The following RCAN2 variants were observed in gnomAD, a reference collection of about 807,000 sequenced individuals.
RCAN2 encodes regulator of calcineurin 2.
Under a neutral mutation model 23.6 loss-of-function variants are expected in RCAN2, and 9 were observed. That is an observed-to-expected ratio of 0.38 (90% confidence interval 0.23 to 0.67). RCAN2 has a LOEUF of 0.67. RCAN2 is among the 30% of genes least tolerant of loss of function. The probability of loss-of-function intolerance (pLI) is 0.51; values close to 1 mark genes in which losing one functional copy is unlikely to be tolerated. For synonymous variants in RCAN2, 109 were observed against 115.7 expected (o/e 0.94, Z 0.37); for missense variants, 273 against 302.3 (o/e 0.90, Z 0.72).
At position 46,377,285 on chromosome 6, in the gene RCAN2, A is replaced by G. The variant is rs537679405; in HGVS notation, c.225+79467T>C. ...CTTCAAGCCCTGGTTCAAGAAAGTA[A>G]TTCAGACCTTAGAGACCTCCTCCAA... On this transcript the variant is annotated intron_variant, in intron 2 of 4. Coordinates refer to ENST00000371374, the MANE Select transcript of RCAN2 (RefSeq NM_001251974.2). Among the ~76,000 whole-genome samples, 6 of 152,276 alleles carry G rather than the reference A, an allele frequency of 3.9e-5. No individual in the cohort carries two copies. The South Asian group carries it at 1.2e-3, about 32-fold the overall frequency.
intron 2 of RCAN2, among the ~76,000 whole-genome samples, chr6:46,389,509 C>T (rs935620221): frequency 6.6e-6 from 1 of 152,162 alleles, no homozygotes; most frequent in Non-Finnish European, 1.5e-5. Flanking sequence ...CGCTGGGGTA[C>T]CAGCCTCCGC....
intron 1 of RCAN2, among the ~76,000 whole-genome samples, chr6:46,489,897 C>G (rs1379546414): frequency 6.6e-6 from 1 of 152,186 alleles, no homozygotes; most frequent in Admixed American, 6.5e-5. Context: ...AGCTCTAAGG[C>G]TAAAGAAAAT....
chr6:46,354,354 C>T (rs1475461805), intron 2 of RCAN2, among the ~76,000 whole-genome samples: 2 of 151,916 alleles, frequency 1.3e-5, no homozygotes, highest in East Asian at 1.9e-4. Context: ...GGAGCTGTGA[C>T]GTGTCCTGAC....
intron 2 of RCAN2, among the ~76,000 whole-genome samples, chr6:46,346,854 TATTTATTTATTTATTTTAATTA>T (rs1582128281): frequency 6.6e-6 from 1 of 151,672 alleles, no homozygotes; most frequent in Non-Finnish European, 1.5e-5. Context: ...TTTAAATTTT[TATTTATTTATTTATTTTAATTA>T]ATTTATTTAT....
chr6:46,488,755 T>A (rs1460270179), intron 1 of RCAN2, among the ~76,000 whole-genome samples: 9 of 152,232 alleles, frequency 5.9e-5, no homozygotes, highest in African/African-American at 2.2e-4. Flanking sequence ...AGCTTCTCCT[T>A]CCATACCACC....
rs551183036 is a variant in RCAN2 at position 46,456,741 on chromosome 6, A to T, written c.225+11T>A. ...CTCCCCATGTTTTAGGAACAGAAAAAGGCAGCTTACCTTGCTCTCTTCTCC... is the reference window on the plus strand; with the variant it reads ...CTCCCCATGTTTTAGGAACAGAAAATGGCAGCTTACCTTGCTCTCTTCTCC... On this transcript the variant is annotated intron_variant, in intron 2 of 4. Transcript: ENST00000371374. The T allele has an allele frequency of 6.5e-7, 1 of 1,531,826 alleles. No individual in the cohort carries two copies. The highest frequency in any genetic ancestry group is 2.0e-5 in the Admixed American group (1 of 50,980). The allele number at this position is 1,531,826 out of a possible 1,614,324, so 94.9% of individuals were successfully genotyped here. A position where few individuals can be genotyped will look rare whatever the true frequency, so the allele number is the denominator to read the frequency against.
chr6:46,377,023 G>T (rs774384864), intron 2 of RCAN2, among the ~76,000 whole-genome samples: 8 of 152,158 alleles, frequency 5.3e-5, no homozygotes, highest in Non-Finnish European at 8.8e-5. Context: ...CTCAGAATAA[G>T]TTGGAAAATG....
intron 2 of RCAN2, among the ~76,000 whole-genome samples, chr6:46,452,596 A>T (rs1398018792): frequency 6.6e-6 from 1 of 152,184 alleles, no homozygotes; most frequent in African/African-American, 2.4e-5. Context: ...ATTTCTGCTT[A>T]CACATTGGGT....
intron 2 of RCAN2, among the ~76,000 whole-genome samples, chr6:46,297,807 G>T (rs1239179454): frequency 6.6e-6 from 1 of 152,036 alleles, no homozygotes; most frequent in Non-Finnish European, 1.5e-5. Flanking sequence ...GCTAAAGTTA[G>T]TTCAAATTAA....
intron 2 of RCAN2, among the ~76,000 whole-genome samples, chr6:46,399,384 T>G (rs1309100115): frequency 6.6e-6 from 1 of 151,110 alleles, no homozygotes; most frequent in Non-Finnish European, 1.5e-5. Flanking sequence ...CAAAGGAAGG[T>G]GCCAGGAAAA....
chr6:46,404,207 G>A (rs1026433011), intron 2 of RCAN2, among the ~76,000 whole-genome samples: 5 of 144,092 alleles, frequency 3.5e-5, no homozygotes, highest in African/African-American at 1.3e-4. Flanking sequence ...GGGCAACAGA[G>A]TAAGACTCTG....
intron 2 of RCAN2, among the ~76,000 whole-genome samples, chr6:46,288,517 C>T (rs1282461568): frequency 2.0e-5 from 3 of 152,216 alleles, no homozygotes; most frequent in Non-Finnish European, 4.4e-5. Context: ...GAATCCTCAA[C>T]CTATGGATGA....
At chr6:46,290,512 C>T (rs1762523275) in intron 2 of RCAN2, among the ~76,000 whole-genome samples, 1 of 152,174 alleles carries the variant, frequency 6.6e-6, no homozygotes. Flanking sequence ...TTTATTTGAA[C>T]TCTTTCTCCC....
intron 2 of RCAN2, among the ~76,000 whole-genome samples, chr6:46,429,690 C>T (rs555159880): frequency 1.2e-4 from 18 of 152,082 alleles, no homozygotes; most frequent in East Asian, 5.8e-4. Flanking sequence ...AGGGCAGGTA[C>T]GTTCTTGCCC....
At chr6:46,417,023 T>C (rs1766733559) in intron 2 of RCAN2, among the ~76,000 whole-genome samples, 3 of 152,212 alleles carry the variant, frequency 2.0e-5, no homozygotes, top group Admixed American at 2.0e-4. Flanking sequence ...CTTTATTTCT[T>C]CCATACTTAT....
chr6:46,397,623 T>C (rs2046558592), intron 2 of RCAN2, among the ~76,000 whole-genome samples: 2 of 152,080 alleles, frequency 1.3e-5, no homozygotes, highest in African/African-American at 4.8e-5. Context: ...AAGAGAAAAA[T>C]GTTATGCATT....
intron 4 of RCAN2, among the ~76,000 whole-genome samples, chr6:46,244,353 G>A (rs191977907): frequency 2.0e-4 from 31 of 151,632 alleles, no homozygotes; most frequent in Non-Finnish European, 4.0e-4. Flanking sequence ...CTCTGTGAGC[G>A]TCCCTTCCGG....
intron 1 of RCAN2, among the ~76,000 whole-genome samples, chr6:46,459,923 G>C (rs1014089664): frequency 6.6e-6 from 1 of 152,052 alleles, no homozygotes; most frequent in Non-Finnish European, 1.5e-5. Context: ...TAATTTCAGA[G>C]CAAGGCAATT....
intron 2 of RCAN2, among the ~76,000 whole-genome samples, chr6:46,284,839 G>C (rs937588639): frequency 6.6e-6 from 1 of 152,148 alleles, no homozygotes; most frequent in Non-Finnish European, 1.5e-5. Flanking sequence ...GTATATTACT[G>C]CAATCTTCAT....
Sources: gnomAD v4.1 joint callset for allele counts (sites outside exome capture counted in the v4.1 genomes callset) on GRCh38, gnomAD v4.1.1 for gene constraint, MANE v1.5 for transcripts, NCBI Gene and HGNC (gene_info 2026-07-23, HGNC 2026-07-21) for gene names.